Variants in TEKTL1 observed in about 807,000 individuals in gnomAD.
TEKTL1 encodes the protein tektin-like protein 1.
At chr19:15,021,353 C>T in the TEKTL1 span, 1 of 1,613,844 alleles carries the variant, frequency 6.2e-7, no homozygotes, top group Non-Finnish European at 8.5e-7. Context: ...GCATTTGCAG[C>T]GTGCGCCTTG....
chr19:15,011,026 C>A, the TEKTL1 span: 3 of 1,582,014 alleles, frequency 1.9e-6, no homozygotes, highest in African/African-American at 2.7e-5. Context: ...GCGCCGCCTA[C>A]ATCCAGCCCT....
the TEKTL1 span, among the ~76,000 whole-genome samples, chr19:15,020,817 A>G: frequency 4.0e-5 from 6 of 151,618 alleles, no homozygotes; most frequent in Admixed American, 3.9e-4. Context: ...ATTGTCACTC[A>G]GCTTTTCCCC....
the TEKTL1 span, among the ~76,000 whole-genome samples, chr19:15,017,285 G>T: frequency 3.3e-5 from 5 of 152,282 alleles, 1 homozygote; most frequent in South Asian, 1.0e-3. Context: ...ACTAGAGGGG[G>T]TCAGGGAGGG....
At chr19:15,013,719 GA>G in the TEKTL1 span, 1 of 1,613,880 alleles carries the variant, frequency 6.2e-7, no homozygotes, top group Non-Finnish European at 8.5e-7. Flanking sequence ...AAGAGGAGCT[GA>G]AAAGCATGAA....
At chr19:15,020,405 C>G in the TEKTL1 span, 2 of 1,486,614 alleles carry the variant, frequency 1.3e-6, no homozygotes, top group African/African-American at 1.4e-5. Flanking sequence ...TCACTTGCAT[C>G]CACTTCCCTC....
the TEKTL1 span, chr19:15,013,847 C>A: frequency 1.1e-6 from 1 of 882,718 alleles, no homozygotes; most frequent in Non-Finnish European, 1.9e-6. Context: ...ACAAACCACT[C>A]TGACCTGGGG....
the TEKTL1 span, among the ~76,000 whole-genome samples, chr19:15,012,826 C>T: frequency 4.6e-5 from 7 of 152,050 alleles, no homozygotes; most frequent in Non-Finnish European, 7.4e-5. Flanking sequence ...TAAGACCCTT[C>T]CATAGATGTG....
the TEKTL1 span, among the ~76,000 whole-genome samples, chr19:15,019,255 C>T: frequency 9.9e-5 from 15 of 152,236 alleles, no homozygotes; most frequent in East Asian, 2.3e-3. Flanking sequence ...AGCCTGAATG[C>T]AGTGATTTTT....
chr19:15,020,044 A>C, the TEKTL1 span, among the ~76,000 whole-genome samples: 1 of 151,384 alleles, frequency 6.6e-6, no homozygotes, highest in African/African-American at 2.4e-5. Context: ...ACACTGCCTC[A>C]CACCTGTAAT....
the TEKTL1 span, chr19:15,013,806 G>T: frequency 6.9e-7 from 1 of 1,443,454 alleles, no homozygotes; most frequent in Non-Finnish European, 9.7e-7. Context: ...AAGTTACGGG[G>T]GCTGGAGGGG....
the TEKTL1 span, chr19:15,021,308 G>A: frequency 1.9e-6 from 3 of 1,603,286 alleles, no homozygotes; most frequent in Non-Finnish European, 2.6e-6. Context: ...GGGGCTCTGG[G>A]AACGGAGGAC....
At chr19:15,018,483 T>A in the TEKTL1 span, among the ~76,000 whole-genome samples, 4 of 150,094 alleles carry the variant, frequency 2.7e-5, no homozygotes, top group Admixed American at 2.7e-4. Flanking sequence ...CCAAGGTGGG[T>A]GGATTGCTTG....
chr19:15,011,864 G>A, the TEKTL1 span, among the ~76,000 whole-genome samples: 3 of 152,134 alleles, frequency 2.0e-5, no homozygotes, highest in African/African-American at 7.2e-5. Context: ...CTTGGTGTGA[G>A]GACCGCTTGA....
the TEKTL1 span, chr19:15,023,021 C>T: frequency 1.2e-6 from 2 of 1,612,730 alleles, no homozygotes; most frequent in Admixed American, 3.3e-5. Context: ...CCTGCGCCAG[C>T]GGCAACCGCA....
the TEKTL1 span, among the ~76,000 whole-genome samples, chr19:15,014,194 G>A: frequency 6.6e-6 from 1 of 152,316 alleles, no homozygotes; most frequent in East Asian, 1.9e-4. Context: ...GCTTCAGCCA[G>A]ACTTGATCTC....
chr19:15,016,031 A>T, the TEKTL1 span, among the ~76,000 whole-genome samples: 2 of 151,540 alleles, frequency 1.3e-5, no homozygotes, highest in South Asian at 4.2e-4. Context: ...GTACTAAATT[A>T]TATTTCATGT....
chr19:15,021,419 T>C, the TEKTL1 span: 1 of 1,614,026 alleles, frequency 6.2e-7, no homozygotes, highest in Non-Finnish European at 8.5e-7. Flanking sequence ...TTGGTAGAAA[T>C]GGCAAAGAAC....
chr19:15,011,084 C>A, the TEKTL1 span: 1,188 of 1,571,578 alleles, frequency 7.6e-4, 16 homozygotes, highest in South Asian at 0.013. Flanking sequence ...CTTGGAGAAG[C>A]CGCCGCCAGG....
the TEKTL1 span, chr19:15,021,851 A>T: frequency 1.2e-6 from 2 of 1,614,128 alleles, no homozygotes; most frequent in Non-Finnish European, 1.7e-6. Flanking sequence ...AAAGCTGGAC[A>T]GACCCCTGGT....
Sources: gnomAD v4.1 joint callset for allele counts (sites outside exome capture counted in the v4.1 genomes callset) on GRCh38, gnomAD v4.1.1 for gene constraint, MANE v1.5 for transcripts, NCBI Gene and HGNC (gene_info 2026-07-23, HGNC 2026-07-21) for gene names.